HS2ST1: variants seen among roughly 807,000 people sequenced by gnomAD.
HS2ST1 encodes 2-O-sulfotransferase.
HS2ST1 carries 18 observed loss-of-function variants against 42.9 expected under a neutral mutation model. The observed-to-expected ratio is 0.42, with a 90% CI of 0.29 to 0.62. The LOEUF is 0.62. Ranked by LOEUF, HS2ST1 falls within the 20% of genes least tolerant of loss-of-function variation. HS2ST1 has a pLI of 0.21. For missense variants in HS2ST1, 334 were observed against 433.8 expected, an observed-to-expected ratio of 0.77 and a Z score of 2.04; for synonymous variants, 146 against 152.9, an observed-to-expected ratio of 0.95 and a Z score of 0.33.
At position 86,995,771 on chromosome 1, in the gene HS2ST1, T is replaced by C. The variant is rs562205041; in HGVS notation, c.125-77163T>C. Among the ~76,000 whole-genome samples the C allele has an allele frequency of 5.3e-5, 8 of 152,174 alleles. No homozygotes were observed. The East Asian group carries it at 1.5e-3, about 29-fold the overall frequency. On this transcript the variant is annotated intron_variant, in intron 1 of 6. Coordinates refer to ENST00000370550, the MANE Select transcript of HS2ST1 (RefSeq NM_012262.4). ...CCTTCATTGGAGCTTATATTCTCTT[T>C]AGGGATAGCAAAAAAAAATAAGTAA...
At chr1:87,075,161 C>CTTTTTTTTTTT (rs34812948) in intron 2 of HS2ST1, among the ~76,000 whole-genome samples, 5 of 48,596 alleles carry the variant, frequency 1.0e-4, no homozygotes, top group Non-Finnish European at 1.4e-4. Context: ...TCTCAGCTAC[C>CTTTTTTTTTTT]TTTTTTTTTT....
intron 1 of HS2ST1, among the ~76,000 whole-genome samples, chr1:87,053,488 A>T (rs1022382118): frequency 6.6e-6 from 1 of 152,142 alleles, no homozygotes; most frequent in Admixed American, 6.5e-5. Context: ...AAATTTTTTA[A>T]TGTCTTCCTG....
intron 3 of HS2ST1, among the ~76,000 whole-genome samples, chr1:87,085,293 C>T (rs1173536719): frequency 6.6e-6 from 1 of 152,014 alleles, no homozygotes; most frequent in East Asian, 1.9e-4. Context: ...TATTGGTCAA[C>T]TTTAAAAGGC....
intron 1 of HS2ST1, among the ~76,000 whole-genome samples, chr1:86,987,069 T>TG (rs1491146650): frequency 3.1e-3 from 18 of 5,786 alleles, no homozygotes; most frequent in Non-Finnish European, 0.023. Context: ...GATAGCCAGG[T>TG]TTTTTTTTTT....
chr1:87,011,047 A>G (rs959531685), intron 1 of HS2ST1, among the ~76,000 whole-genome samples: 1 of 152,106 alleles, frequency 6.6e-6, no homozygotes, highest in African/African-American at 2.4e-5. Context: ...CAGCCTCCCA[A>G]AGTGCTGGGA....
chr1:86,988,505 T>TG (rs1648854771), intron 1 of HS2ST1, among the ~76,000 whole-genome samples: 1 of 152,232 alleles, frequency 6.6e-6, no homozygotes, highest in South Asian at 2.1e-4. Context: ...TTTATACACT[T>TG]GTATTAACTC....
At chr1:86,987,519 A>G (rs562793829) in intron 1 of HS2ST1, among the ~76,000 whole-genome samples, 1 of 152,262 alleles carries the variant, frequency 6.6e-6, no homozygotes, top group East Asian at 1.9e-4. Context: ...GAATCAGCCT[A>G]AGGAGGTGAT....
At chr1:87,020,129 C>T (rs1184754492) in intron 1 of HS2ST1, among the ~76,000 whole-genome samples, 1 of 152,074 alleles carries the variant, frequency 6.6e-6, no homozygotes, top group African/African-American at 2.4e-5. Context: ...AAAATTTTTG[C>T]TAAATTATAT....
intron 1 of HS2ST1, among the ~76,000 whole-genome samples, chr1:87,053,706 A>AG (rs1234044968): frequency 6.6e-6 from 1 of 152,216 alleles, no homozygotes; most frequent in Non-Finnish European, 1.5e-5. Flanking sequence ...TATCTGCTGC[A>AG]GTATACTTTG....
chr1:87,000,139 G>A (rs2100568500), intron 1 of HS2ST1, among the ~76,000 whole-genome samples: 1 of 150,944 alleles, frequency 6.6e-6, no homozygotes, highest in African/African-American at 2.4e-5. Context: ...AATCCCAAAA[G>A]TAGTACAGTT....
intron 1 of HS2ST1, among the ~76,000 whole-genome samples, chr1:86,980,489 T>C (rs1296784473): frequency 6.6e-6 from 1 of 152,138 alleles, no homozygotes; most frequent in Non-Finnish European, 1.5e-5. Context: ...TTTTCTTAAC[T>C]AAAATTTCTT....
chr1:87,022,922 CAT>C (rs773932753), intron 1 of HS2ST1, among the ~76,000 whole-genome samples: 1 of 152,152 alleles, frequency 6.6e-6, no homozygotes, highest in Non-Finnish European at 1.5e-5. Context: ...GCTTGTGACA[CAT>C]GTGAGCTCAT....
intron 1 of HS2ST1, among the ~76,000 whole-genome samples, chr1:86,955,337 A>G (rs554232909): frequency 2.0e-5 from 3 of 152,266 alleles, no homozygotes; most frequent in Non-Finnish European, 2.9e-5. Context: ...TGGCAGTGGC[A>G]TTAGATTCTC....
At chr1:86,928,561 T>C (rs939269961) in intron 1 of HS2ST1, among the ~76,000 whole-genome samples, 5 of 152,000 alleles carry the variant, frequency 3.3e-5, no homozygotes, top group African/African-American at 1.2e-4. Flanking sequence ...TCTTATTAAC[T>C]GTTGGATGTT....
chr1:87,026,659 C>T (rs918502982), intron 1 of HS2ST1, among the ~76,000 whole-genome samples: 6 of 151,956 alleles, frequency 3.9e-5, no homozygotes, highest in African/African-American at 1.5e-4. Context: ...AAATTCTATG[C>T]CCTAAGTTCA....
rs1660099700 is a variant in HS2ST1, at chr1:86,914,739, T to G, written c.-298T>G. On this transcript the variant is annotated 5_prime_UTR_variant, in exon 1 of 7. Coordinates refer to ENST00000370550, the MANE Select transcript of HS2ST1 (RefSeq NM_012262.4). ...GCAGGCGGGCGCGGGGGTCGGGGAC[T>G]GAGGCAGTAGAGGGAGGCGAGAGCC... The G allele has an allele frequency of 7.5e-6, 3 of 402,028 alleles. No homozygotes were observed. The highest frequency in any genetic ancestry group is 1.4e-5 in the Non-Finnish European group (3 of 221,782). 24.9% of individuals were successfully genotyped at this position (402,028 alleles called of 1,614,324 possible). A position where few individuals can be genotyped will look rare whatever the true frequency, so the allele number is the denominator to read the frequency against.
chr1:86,943,661 A>T (rs947975919), intron 1 of HS2ST1, among the ~76,000 whole-genome samples: 1 of 151,968 alleles, frequency 6.6e-6, no homozygotes, highest in Non-Finnish European at 1.5e-5. Context: ...TTGAGAGTAC[A>T]GTGAGCACTG....
chr1:86,959,956 A>G (rs777165093), intron 1 of HS2ST1, among the ~76,000 whole-genome samples: 4 of 152,198 alleles, frequency 2.6e-5, no homozygotes, highest in Non-Finnish European at 4.4e-5. Context: ...TAAAGTTTAT[A>G]TTGGTCAGAG....
At chr1:86,977,437 C>T (rs770732749) in intron 1 of HS2ST1, among the ~76,000 whole-genome samples, 4 of 152,158 alleles carry the variant, frequency 2.6e-5, no homozygotes, top group Non-Finnish European at 2.9e-5. Flanking sequence ...CTTTGATTAA[C>T]TTGAGATATT....
Sources: allele counts gnomAD v4.1 joint callset (sites outside exome capture counted in the v4.1 genomes callset), GRCh38; gene constraint gnomAD v4.1.1; transcripts MANE v1.5; gene names NCBI Gene and HGNC (gene_info 2026-07-23, HGNC 2026-07-21).